Variants in KAZN observed in about 807,000 individuals in gnomAD.
KAZN encodes kazrin.
KAZN carries 40 observed loss-of-function variants against 87.4 expected under a neutral mutation model. The ratio of observed to expected loss-of-function variants is 0.46; its 90% CI spans 0.36 to 0.60. The LOEUF (loss-of-function observed/expected upper bound fraction) is 0.60, where lower values mean the gene tolerates loss of function less well. Among genes scored for constraint, KAZN ranks in the 20% least tolerant of loss-of-function variants. KAZN has a pLI of 0.00. For missense variants in KAZN, 898 were observed against 1,073.9 expected, an observed-to-expected ratio of 0.84 and a Z score of 2.29; for synonymous variants, 466 against 458.3, an observed-to-expected ratio of 1.02 and a Z score of -0.22.
chr1:14,378,364 C>T (rs575866039), intron 2 of KAZN, among the ~76,000 whole-genome samples: 32 of 152,326 alleles, frequency 2.1e-4, no homozygotes, highest in African/African-American at 7.7e-4. Flanking sequence ...GAAGTCTCCA[C>T]CAATCATCCC....
In KAZN at chr1:14,387,858, G is replaced by A. The variant is rs949395647; in HGVS notation, c.249+207266G>A. 2.2e-4 allele frequency among the ~76,000 whole-genome samples: 33 copies of A among 152,108 alleles called. 1 individual carries two copies. The highest frequency in any genetic ancestry group is 7.9e-4 in the Admixed American group (12 of 15,280). ...GGGCTCCACCCAGTTCGAGCTTCCC[G>A]GCTGCTTTGTTTACCTAAGCAAGCC... On this transcript the variant is annotated intron_variant, in intron 2 of 16. Transcript: ENST00000636203.
intron 1 of KAZN, among the ~76,000 whole-genome samples, chr1:14,807,236 G>A (rs1646251743): frequency 6.6e-6 from 1 of 152,188 alleles, no homozygotes; most frequent in Non-Finnish European, 1.5e-5. Context: ...ATTAGGTTCT[G>A]GGGCTGCCTG....
chr1:14,526,661 G>C (rs1671882703), intron 2 of KAZN, among the ~76,000 whole-genome samples: 3 of 152,078 alleles, frequency 2.0e-5, no homozygotes, highest in African/African-American at 7.3e-5. Flanking sequence ...GTTTCATAGT[G>C]GTCCATATTT....
intron 1 of KAZN, among the ~76,000 whole-genome samples, chr1:14,951,941 G>A (rs1389812906): frequency 3.3e-5 from 5 of 152,326 alleles, no homozygotes; most frequent in Non-Finnish European, 5.9e-5. Flanking sequence ...CCTAGGTGCT[G>A]CTGGACCAGT....
chr1:14,090,247 A>T (rs569643410), intron 1 of KAZN, among the ~76,000 whole-genome samples: 18 of 152,208 alleles, frequency 1.2e-4, no homozygotes, highest in Middle Eastern at 6.8e-3. Flanking sequence ...CTCCAATTGC[A>T]TGTATGTTGG....
At chr1:14,289,866 G>T (rs1313147112) in intron 2 of KAZN, among the ~76,000 whole-genome samples, 1 of 152,224 alleles carries the variant, frequency 6.6e-6, no homozygotes, top group African/African-American at 2.4e-5. Flanking sequence ...GCTCTTGTAA[G>T]GCAGGCCCGG....
chr1:14,446,706 G>A (rs945945847), intron 2 of KAZN, among the ~76,000 whole-genome samples: 2 of 152,042 alleles, frequency 1.3e-5, no homozygotes, highest in African/African-American at 2.4e-5. Context: ...TCATTCGCAG[G>A]TAGCTCAGTC....
At chr1:14,458,509 C>T (rs980021247) in intron 2 of KAZN, among the ~76,000 whole-genome samples, 1 of 152,094 alleles carries the variant, frequency 6.6e-6, no homozygotes, top group African/African-American at 2.4e-5. Context: ...TGGTTATTCT[C>T]GTCTTGTTCT....
chr1:14,419,122 C>T (rs1430143720), intron 2 of KAZN, among the ~76,000 whole-genome samples: 3 of 152,194 alleles, frequency 2.0e-5, no homozygotes, highest in Admixed American at 2.0e-4. Flanking sequence ...GGTAGCACCC[C>T]ATCTTTACAA....
chr1:15,078,143 G>A (rs56708673), intron 8 of KAZN, among the ~76,000 whole-genome samples: 1,887 of 152,214 alleles, frequency 0.012, 40 homozygotes, highest in African/African-American at 0.042. Context: ...TGCTGGATGC[G>A]GTGGTTCATG....
At chr1:13,987,383 T>G (rs1639071304) in intron 1 of KAZN, among the ~76,000 whole-genome samples, 1 of 152,146 alleles carries the variant, frequency 6.6e-6, no homozygotes, top group Non-Finnish European at 1.5e-5. Context: ...CATGTATTCT[T>G]ATTGTTCAAC....
intron 8 of KAZN, among the ~76,000 whole-genome samples, chr1:15,088,184 C>G (rs569170257): frequency 3.3e-5 from 5 of 152,252 alleles, no homozygotes; most frequent in East Asian, 1.9e-4. Flanking sequence ...CAGCTTTAGA[C>G]AATAAATAAA....
intron 10 of KAZN, among the ~76,000 whole-genome samples, chr1:15,098,921 C>T (rs373749243): frequency 5.3e-4 from 80 of 152,332 alleles, no homozygotes; most frequent in African/African-American, 1.9e-3. Flanking sequence ...CCCACCCTGC[C>T]CCCCAGGAGC....
At chr1:14,791,972 G>A (rs895463550) in intron 1 of KAZN, among the ~76,000 whole-genome samples, 4 of 152,172 alleles carry the variant, frequency 2.6e-5, no homozygotes, top group East Asian at 1.9e-4. Flanking sequence ...TCAATGCTGC[G>A]GGGACTTCAG....
At chr1:14,500,851 A>G (rs1011706268) in intron 2 of KAZN, among the ~76,000 whole-genome samples, 2 of 152,066 alleles carry the variant, frequency 1.3e-5, no homozygotes, top group Admixed American at 6.6e-5. Context: ...GCCTAGATGA[A>G]ATGGGAAAAT....
At chr1:14,289,867 G>T (rs537441313) in intron 2 of KAZN, among the ~76,000 whole-genome samples, 1 of 152,306 alleles carries the variant, frequency 6.6e-6, no homozygotes, top group South Asian at 2.1e-4. Context: ...CTCTTGTAAG[G>T]CAGGCCCGGT....
chr1:14,103,264 C>T (rs10928008), intron 1 of KAZN, among the ~76,000 whole-genome samples: 41,234 of 151,990 alleles, frequency 0.27, 5,914 homozygotes, highest in East Asian at 0.55. Flanking sequence ...TTGGGGCCCA[C>T]CCTAGTGACA....
chr1:14,578,841 T>C (rs1378174508), intron 2 of KAZN, among the ~76,000 whole-genome samples: 3 of 152,194 alleles, frequency 2.0e-5, no homozygotes, highest in Non-Finnish European at 4.4e-5. Context: ...GATGGTTTTA[T>C]AGCCATTAAT....
chr1:14,997,857 G>A (rs1323503361), intron 2 of KAZN, among the ~76,000 whole-genome samples: 1 of 152,200 alleles, frequency 6.6e-6, no homozygotes, highest in African/African-American at 2.4e-5. Flanking sequence ...CTACTTAGTT[G>A]CTGTGTGGCT....
Sources: gnomAD v4.1 joint callset for allele counts (sites outside exome capture counted in the v4.1 genomes callset) on GRCh38, gnomAD v4.1.1 for gene constraint, MANE v1.5 for transcripts, NCBI Gene and HGNC (gene_info 2026-07-23, HGNC 2026-07-21) for gene names.